KHDRBS2: variants seen among roughly 807,000 people sequenced by gnomAD.
KHDRBS2 encodes KH domain-containing, RNA-binding, signal transduction-associated protein 2.
A neutral mutation model predicts 44.3 loss-of-function variants in KHDRBS2; 26 were observed. That is an observed-to-expected ratio of 0.59 (90% CI 0.43 to 0.81). The LOEUF (loss-of-function observed/expected upper bound fraction) is 0.81. KHDRBS2 is among the 40% of genes least tolerant of loss of function. The probability of loss-of-function intolerance (pLI) is 0.00; values close to 1 mark genes in which losing one functional copy is unlikely to be tolerated. For missense variants in KHDRBS2, 476 were observed against 433.1 expected (o/e 1.10, Z -0.88); for synonymous variants, 194 against 151.1 (o/e 1.28, Z -2.08).
intron 2 of KHDRBS2, among the ~76,000 whole-genome samples, chr6:62,139,836 ACC>A (rs1304145533): frequency 6.6e-6 from 1 of 151,978 alleles, no homozygotes; most frequent in Non-Finnish European, 1.5e-5. Context: ...TGGGTAATTA[ACC>A]CAGATTCTCT....
intron 1 of KHDRBS2, among the ~76,000 whole-genome samples, chr6:62,218,694 A>G (rs1342582312): frequency 6.6e-6 from 1 of 151,918 alleles, no homozygotes; most frequent in African/African-American, 2.4e-5. Context: ...GAAGGAAGTC[A>G]TTTTATCAAA....
intron 6 of KHDRBS2, among the ~76,000 whole-genome samples, chr6:61,739,191 A>G (rs921288838): frequency 3.3e-5 from 5 of 151,886 alleles, no homozygotes; most frequent in Non-Finnish European, 7.4e-5. Flanking sequence ...TTATAATTGC[A>G]TTGCCACAAT....
At chr6:61,956,434 G>T (rs1767335848) in intron 4 of KHDRBS2, among the ~76,000 whole-genome samples, 2 of 152,098 alleles carry the variant, frequency 1.3e-5, no homozygotes, top group South Asian at 4.1e-4. Flanking sequence ...GATTTCATGA[G>T]ACACAGTTGT....
At chr6:61,863,908 T>G (rs1289477279) in intron 6 of KHDRBS2, among the ~76,000 whole-genome samples, 1 of 152,182 alleles carries the variant, frequency 6.6e-6, no homozygotes. Flanking sequence ...TATTATTGTG[T>G]GGTAGTCTAA....
intron 4 of KHDRBS2, among the ~76,000 whole-genome samples, chr6:61,941,092 C>A (rs1294901509): frequency 1.3e-5 from 2 of 152,172 alleles, no homozygotes. Context: ...ACAAGCCCGC[C>A]CAGCTTGGCT....
At chr6:61,940,221 G>T (rs1333958942) in intron 4 of KHDRBS2, among the ~76,000 whole-genome samples, 1 of 148,788 alleles carries the variant, frequency 6.7e-6, no homozygotes, top group Admixed American at 6.8e-5. Flanking sequence ...TTTGAAAATA[G>T]TGTAGTGGTA....
At chr6:62,095,242 G>A (rs1450419115) in intron 2 of KHDRBS2, among the ~76,000 whole-genome samples, 2 of 151,668 alleles carry the variant, frequency 1.3e-5, no homozygotes, top group African/African-American at 4.8e-5. Context: ...ATTTAACCAA[G>A]AAAGTAAAAG....
chr6:62,215,570 G>C (rs887437178), intron 1 of KHDRBS2, among the ~76,000 whole-genome samples: 1 of 151,614 alleles, frequency 6.6e-6, no homozygotes, highest in Non-Finnish European at 1.5e-5. Context: ...AAAAAAATAC[G>C]CCTTTTAAAA....
intron 2 of KHDRBS2, among the ~76,000 whole-genome samples, chr6:62,101,027 G>A (rs3842922): frequency 0.62 from 94,189 of 151,988 alleles, 29,388 homozygotes; most frequent in African/African-American, 0.64. Context: ...AGTATCTGCA[G>A]GAGCATGAAT....
At chr6:61,749,365 G>A (rs1485030752) in intron 6 of KHDRBS2, among the ~76,000 whole-genome samples, 1 of 152,000 alleles carries the variant, frequency 6.6e-6, no homozygotes, top group South Asian at 2.1e-4. Flanking sequence ...TAACCATATT[G>A]GACATAGAAT....
At chr6:61,866,372 G>A (rs749894473) in intron 6 of KHDRBS2, among the ~76,000 whole-genome samples, 22 of 152,184 alleles carry the variant, frequency 1.4e-4, no homozygotes, top group Non-Finnish European at 2.4e-4. Context: ...GCCACGGTCC[G>A]AGCTCTATGT....
At chr6:62,124,868 T>C (rs1266449921) in intron 2 of KHDRBS2, among the ~76,000 whole-genome samples, 1 of 152,182 alleles carries the variant, frequency 6.6e-6, no homozygotes, top group Admixed American at 6.5e-5. Context: ...CACATATAAC[T>C]GTTCCTTTTT....
chr6:62,195,050 C>T (rs1382746907), intron 1 of KHDRBS2, among the ~76,000 whole-genome samples: 2 of 152,066 alleles, frequency 1.3e-5, no homozygotes, highest in African/African-American at 2.4e-5. Context: ...TTTAGTCTTT[C>T]AAATGATGAA....
chr6:62,104,489 TA>T lies in KHDRBS2; in HGVS notation c.220-56496del, dbSNP rs1303672980. On this transcript the variant is annotated intron_variant, in intron 2 of 8. Coordinates refer to ENST00000281156, the MANE Select transcript of KHDRBS2 (RefSeq NM_152688.4). The stretch of plus-strand genomic sequence containing the variant: ...TGGAATAAAATTGGGTATCAGTAAT[TA>T]AAAAAATCTTGATTATTCCCAAATA... Among the ~76,000 whole-genome samples the T allele has an allele frequency of 6.6e-5, 10 of 152,126 alleles. No homozygotes were observed. In the East Asian group the frequency reaches 1.5e-3, roughly 23 times the overall value.
chr6:62,112,469 C>A (rs559044978), intron 2 of KHDRBS2, among the ~76,000 whole-genome samples: 1 of 152,206 alleles, frequency 6.6e-6, no homozygotes, highest in Non-Finnish European at 1.5e-5. Context: ...TGGCATAAAA[C>A]ATTCAGGCAA....
chr6:62,060,003 CA>C (rs1562751557), intron 2 of KHDRBS2, among the ~76,000 whole-genome samples: 1 of 151,720 alleles, frequency 6.6e-6, no homozygotes, highest in African/African-American at 2.4e-5. Flanking sequence ...CCAGAATCAG[CA>C]GGAAACCTTC....
At chr6:61,647,189 G>T in the KHDRBS2 span, among the ~76,000 whole-genome samples, 2 of 151,998 alleles carry the variant, frequency 1.3e-5, no homozygotes, top group Non-Finnish European at 2.9e-5. Flanking sequence ...TGAGTCTGAG[G>T]ATAAAATAAG....
In KHDRBS2 at chr6:62,175,164, C is replaced by T. The variant is rs200500254; in HGVS notation, c.219+2021G>A. ...TCAACTTTGATAAGCGAGTATAAAT[C>T]TGCTTCTCAGAATTTCACTCTTTTT... On this transcript the variant is annotated intron_variant, in intron 2 of 8. Transcript: ENST00000281156. 5.3e-5 allele frequency among the ~76,000 whole-genome samples: 8 copies of T among 151,572 alleles called. No homozygotes were observed. The East Asian group carries it at 1.5e-3, about 29-fold the overall frequency.
the KHDRBS2 span, chr6:61,630,176 A>G: frequency 1.3e-4 from 20 of 152,208 alleles, no homozygotes; most frequent in Non-Finnish European, 2.4e-4. Context: ...GAGTTAGTTA[A>G]GCTTTATATT....
Sources: allele counts gnomAD v4.1 joint callset (sites outside exome capture counted in the v4.1 genomes callset), GRCh38; gene constraint gnomAD v4.1.1; transcripts MANE v1.5; gene names NCBI Gene and HGNC (gene_info 2026-07-23, HGNC 2026-07-21).